NXPE2: variants seen among roughly 807,000 people sequenced by gnomAD.
NXPE2 encodes NXPE family member 2.
A neutral mutation model predicts 34.4 loss-of-function variants in NXPE2; 34 were observed. The ratio of observed to expected loss-of-function variants is 0.99; its 90% CI spans 0.75 to 1.31. The LOEUF (loss-of-function observed/expected upper bound fraction) is 1.31. Ranked by LOEUF, NXPE2 falls within the 40% of genes most tolerant of loss-of-function variation. The pLI, the probability that NXPE2 is intolerant of heterozygous loss-of-function variation, is 0.00. For missense variants in NXPE2, 649 were observed against 672.5 expected, an observed-to-expected ratio of 0.97 and a Z score of 0.39; for synonymous variants, 235 against 231.3, an observed-to-expected ratio of 1.02 and a Z score of -0.15.
the NXPE2 span, among the ~76,000 whole-genome samples, chr11:114,797,636 C>CTAT: frequency 4.7e-4 from 71 of 152,310 alleles, no homozygotes; most frequent in African/African-American, 1.7e-3. Flanking sequence ...CAGCTACCAT[C>CTAT]TATTAACCAG....
the NXPE2 span, chr11:114,559,950 G>A: frequency 6.6e-6 from 1 of 152,290 alleles, no homozygotes; most frequent in South Asian, 2.1e-4. Context: ...TTATCTTGGG[G>A]TGGAGATTTG....
At chr11:114,742,470 G>A in the NXPE2 span, among the ~76,000 whole-genome samples, 81 of 152,316 alleles carry the variant, frequency 5.3e-4, no homozygotes, top group African/African-American at 1.9e-3. Context: ...ACATGGCTGG[G>A]AAAGCTGAGT....
At chr11:114,787,112 C>G in the NXPE2 span, among the ~76,000 whole-genome samples, 1 of 152,150 alleles carries the variant, frequency 6.6e-6, no homozygotes, top group Non-Finnish European at 1.5e-5. Context: ...CTGTGTCACA[C>G]TTTCCCGGAG....
chr11:114,591,960 T>G, the NXPE2 span, among the ~76,000 whole-genome samples: 1 of 152,164 alleles, frequency 6.6e-6, no homozygotes, highest in Non-Finnish European at 1.5e-5. Flanking sequence ...GAAAAGACAC[T>G]TGATAACATT....
the NXPE2 span, among the ~76,000 whole-genome samples, chr11:114,576,819 C>G: frequency 6.6e-6 from 1 of 151,482 alleles, no homozygotes; most frequent in East Asian, 1.9e-4. Flanking sequence ...CCATTTGATC[C>G]AGCAATCCTG....
chr11:114,677,540 T>C (rs1007325513), upstream of NXPE2, among the ~76,000 whole-genome samples: 1 of 152,052 alleles, frequency 6.6e-6, no homozygotes, highest in African/African-American at 2.4e-5. Context: ...ATCCATATCT[T>C]TTTTCTTTCA....
the NXPE2 span, among the ~76,000 whole-genome samples, chr11:114,608,723 C>T: frequency 2.6e-5 from 4 of 151,842 alleles, no homozygotes; most frequent in Non-Finnish European, 5.9e-5. Flanking sequence ...ATAAGTACTG[C>T]CTCGTGGGTA....
chr11:114,628,381 G>C, the NXPE2 span, among the ~76,000 whole-genome samples: 6 of 152,142 alleles, frequency 3.9e-5, no homozygotes, highest in African/African-American at 1.4e-4. Context: ...CAAAACCACT[G>C]AACTACATGG....
the NXPE2 span, among the ~76,000 whole-genome samples, chr11:114,772,209 A>G: frequency 6.6e-6 from 1 of 152,226 alleles, no homozygotes; most frequent in South Asian, 2.1e-4. Context: ...AAGATAAGAT[A>G]ACTAAGTAGA....
the NXPE2 span, chr11:114,581,755 A>G: frequency 1.2e-6 from 2 of 1,611,798 alleles, no homozygotes; most frequent in Non-Finnish European, 1.7e-6. Context: ...ATTGTATTGA[A>G]TTTTTCCATA....
the NXPE2 span, among the ~76,000 whole-genome samples, chr11:114,600,799 G>C: frequency 6.6e-6 from 1 of 152,038 alleles, no homozygotes; most frequent in East Asian, 1.9e-4. Context: ...TATGCAAGAT[G>C]TTATTTACTG....
chr11:114,775,679 T>TA, the NXPE2 span, among the ~76,000 whole-genome samples: 9 of 152,124 alleles, frequency 5.9e-5, 2 homozygotes, highest in Admixed American at 5.2e-4. Context: ...GTGGGGGTTT[T>TA]CCCCTCTTTA....
At chr11:114,491,168 C>CAA in the NXPE2 span, among the ~76,000 whole-genome samples, 7 of 53,572 alleles carry the variant, frequency 1.3e-4, 1 homozygote, top group East Asian at 5.3e-4. Flanking sequence ...GACTCCGTCT[C>CAA]AAAAAAAAAA....
chr11:114,494,701 CT>C, the NXPE2 span, among the ~76,000 whole-genome samples: 1 of 152,070 alleles, frequency 6.6e-6, no homozygotes, highest in African/African-American at 2.4e-5. Context: ...GGATTTGTTA[CT>C]GGTGTATTTA....
chr11:114,529,118 GACTTTGAA>G, the NXPE2 span: 1 of 288,248 alleles, frequency 3.5e-6, no homozygotes, highest in African/African-American at 2.2e-5. Flanking sequence ...CTCTAAACTT[GACTTTGAA>G]AACTGCTAGA....
the NXPE2 span, among the ~76,000 whole-genome samples, chr11:114,569,820 T>C: frequency 6.6e-6 from 1 of 152,138 alleles, no homozygotes; most frequent in Non-Finnish European, 1.5e-5. Context: ...CTCTTAAAGC[T>C]GCTGCAAAGT....
At chr11:114,587,330 A>G in the NXPE2 span, among the ~76,000 whole-genome samples, 1 of 152,202 alleles carries the variant, frequency 6.6e-6, no homozygotes, top group Non-Finnish European at 1.5e-5. Flanking sequence ...GAGGAATTTA[A>G]TTCCGGAAGT....
chr11:114,797,902 G>A, the NXPE2 span, among the ~76,000 whole-genome samples: 1 of 152,168 alleles, frequency 6.6e-6, no homozygotes, highest in Non-Finnish European at 1.5e-5. Context: ...GTCACTTAAA[G>A]TAATTGCTTC....
the NXPE2 span, among the ~76,000 whole-genome samples, chr11:114,493,533 C>A: frequency 6.6e-6 from 1 of 152,122 alleles, no homozygotes; most frequent in Non-Finnish European, 1.5e-5. Flanking sequence ...TATCTTATAA[C>A]CCATCATTTT....
Sources: allele counts gnomAD v4.1 joint callset (sites outside exome capture counted in the v4.1 genomes callset), GRCh38; gene constraint gnomAD v4.1.1; transcripts MANE v1.5; gene names NCBI Gene and HGNC (gene_info 2026-07-23, HGNC 2026-07-21).